Variants in SLC25A26 observed in about 807,000 individuals in gnomAD.
The protein encoded by SLC25A26 is mitochondrial S-adenosylmethionine carrier protein.
Under a neutral mutation model 37.8 loss-of-function variants are expected in SLC25A26, and 36 were observed. The ratio of observed to expected loss-of-function variants is 0.95; its 90% CI spans 0.73 to 1.26. The LOEUF is 1.26. Among genes scored for constraint, SLC25A26 ranks in the 50% most tolerant of loss-of-function variants. The pLI, the probability that SLC25A26 is intolerant of heterozygous loss-of-function variation, is 0.00. For missense variants in SLC25A26, 390 were observed against 331.1 expected, an observed-to-expected ratio of 1.18 and a Z score of -1.38; for synonymous variants, 129 against 122.5, an observed-to-expected ratio of 1.05 and a Z score of -0.35.
chr3:66,334,576 A>G (rs1201014810), intron 5 of SLC25A26, among the ~76,000 whole-genome samples: 1 of 152,100 alleles, frequency 6.6e-6, no homozygotes, highest in Admixed American at 6.6e-5. Context: ...TCAGCCTCCC[A>G]AAGTGCTAGG....
chr3:66,345,494 G>GC (rs774930942), intron 5 of SLC25A26, among the ~76,000 whole-genome samples: 6 of 129,006 alleles, frequency 4.7e-5, no homozygotes, highest in Non-Finnish European at 8.0e-5. Context: ...CCTCCTCTCT[G>GC]CCCCCCTACC....
chr3:66,329,628 A>C (rs1424737947), intron 5 of SLC25A26, among the ~76,000 whole-genome samples: 3 of 152,218 alleles, frequency 2.0e-5, no homozygotes, highest in Non-Finnish European at 4.4e-5. Flanking sequence ...TACATTTTTA[A>C]ATGTAAGAAA....
At chr3:66,266,597 T>A (rs112374016) in intron 5 of SLC25A26, among the ~76,000 whole-genome samples, 4 of 148,780 alleles carry the variant, frequency 2.7e-5, no homozygotes, top group African/African-American at 1.0e-4. Flanking sequence ...TTTTTTTTTT[T>A]ACTGCATTTG....
At chr3:66,285,946 T>G (rs1312929081) in intron 5 of SLC25A26, among the ~76,000 whole-genome samples, 1 of 152,218 alleles carries the variant, frequency 6.6e-6, no homozygotes, top group Non-Finnish European at 1.5e-5. Context: ...GTTTTAATTT[T>G]CAGTTCCCTA....
chr3:66,277,411 G>A (rs1163180369), intron 5 of SLC25A26, among the ~76,000 whole-genome samples: 1 of 152,182 alleles, frequency 6.6e-6, no homozygotes, highest in South Asian at 2.1e-4. Context: ...GCAGAGAGTA[G>A]AACCATGGTT....
intron 1 of SLC25A26, among the ~76,000 whole-genome samples, chr3:66,171,411 T>C (rs2070497863): frequency 6.6e-6 from 1 of 152,194 alleles, no homozygotes; most frequent in Non-Finnish European, 1.5e-5. Flanking sequence ...TCTTCAACAA[T>C]AACCTTTTAA....
intron 1 of SLC25A26, among the ~76,000 whole-genome samples, chr3:66,177,337 G>T (rs945972107): frequency 6.6e-6 from 1 of 152,212 alleles, no homozygotes; most frequent in African/African-American, 2.4e-5. Context: ...TAACAAGAAG[G>T]CTCTGAATAT....
chr3:66,332,072 C>G (rs1193413998), intron 5 of SLC25A26, among the ~76,000 whole-genome samples: 1 of 152,066 alleles, frequency 6.6e-6, no homozygotes, highest in African/African-American at 2.4e-5. Context: ...GCTGGGATTA[C>G]AGGTGCGCGA....
intron 1 of SLC25A26, among the ~76,000 whole-genome samples, chr3:66,184,193 C>A (rs1003568191): frequency 6.6e-6 from 1 of 152,100 alleles, no homozygotes; most frequent in African/African-American, 2.4e-5. Context: ...CCCTTACCCT[C>A]ACTCTGAATT....
At chr3:66,374,304 C>G (rs140232264) in intron 9 of SLC25A26, among the ~76,000 whole-genome samples, 1,700 of 152,296 alleles carry the variant, frequency 0.011, 45 homozygotes, top group African/African-American at 0.039. Flanking sequence ...TAATTCTCAC[C>G]TGTCAAATAT....
At chr3:66,369,360 T>C in intron 7 of SLC25A26, 118 bp from the exon 8 acceptor site, 1 of 799,716 alleles carries the variant, frequency 1.3e-6, no homozygotes, top group Non-Finnish European at 2.1e-6. Context: ...CATCCTGTTC[T>C]TCAATCAGCC....
intron 5 of SLC25A26, among the ~76,000 whole-genome samples, chr3:66,344,732 GT>G (rs1302574299): frequency 1.3e-5 from 2 of 152,222 alleles, no homozygotes; most frequent in African/African-American, 4.8e-5. Flanking sequence ...GGGTCCACTG[GT>G]GTTAAGACAT....
intron 1 of SLC25A26, among the ~76,000 whole-genome samples, chr3:66,171,424 A>T (rs918114631): frequency 3.3e-5 from 5 of 152,066 alleles, no homozygotes; most frequent in Non-Finnish European, 7.4e-5. Context: ...CCTTTTAATA[A>T]ACCTTCCCCT....
chr3:66,163,875 G>T (rs1485261168), intron 1 of SLC25A26, among the ~76,000 whole-genome samples: 3 of 152,092 alleles, frequency 2.0e-5, no homozygotes, highest in African/African-American at 7.2e-5. Flanking sequence ...GTGCCCCAGG[G>T]GGATATTTGG....
At chr3:66,170,846 C>A (rs1244962567) in intron 1 of SLC25A26, among the ~76,000 whole-genome samples, 1 of 133,864 alleles carries the variant, frequency 7.5e-6, no homozygotes, top group Non-Finnish European at 1.6e-5. Context: ...CTCTGTCGCC[C>A]AGGCTGGAGT....
At chr3:66,236,512 T>G in intron 1 of SLC25A26, 32 bp from the exon 2 acceptor site, 1 of 1,427,526 alleles carries the variant, frequency 7.0e-7, no homozygotes, top group East Asian at 2.5e-5. Flanking sequence ...AACCTTTTTT[T>G]TTTCTTTTTC....
intron 5 of SLC25A26, among the ~76,000 whole-genome samples, chr3:66,270,312 G>A (rs979451124): frequency 3.3e-5 from 5 of 152,126 alleles, no homozygotes; most frequent in South Asian, 2.1e-4. Context: ...GAAAAAAAAT[G>A]ATTCAAAATC....
intron 5 of SLC25A26, among the ~76,000 whole-genome samples, chr3:66,275,678 C>T (rs914151012): frequency 1.3e-5 from 2 of 152,092 alleles, no homozygotes; most frequent in Non-Finnish European, 2.9e-5. Context: ...TAATGGTTTT[C>T]TGCCAGATAA....
intron 1 of SLC25A26, among the ~76,000 whole-genome samples, chr3:66,159,720 C>T (rs1477101684): frequency 6.6e-6 from 1 of 152,190 alleles, no homozygotes; most frequent in Non-Finnish European, 1.5e-5. Flanking sequence ...CCTGATAGAT[C>T]TTTTGGTGTT....
Sources: allele counts gnomAD v4.1 joint callset (sites outside exome capture counted in the v4.1 genomes callset), GRCh38; gene constraint gnomAD v4.1.1; transcripts MANE v1.5; gene names NCBI Gene and HGNC (gene_info 2026-07-23, HGNC 2026-07-21).